The following CORO2B variants were observed in gnomAD, a reference collection of about 807,000 sequenced individuals.
The protein encoded by CORO2B is coronin-2B.
A neutral mutation model predicts 58.8 loss-of-function variants in CORO2B; 26 were observed. The ratio of observed to expected loss-of-function variants is 0.44; its 90% CI spans 0.32 to 0.61. The LOEUF (loss-of-function observed/expected upper bound fraction) is 0.61. Among genes scored for constraint, CORO2B ranks in the 20% least tolerant of loss-of-function variants. The probability of loss-of-function intolerance (pLI) is 0.04; values close to 1 mark genes in which losing one functional copy is unlikely to be tolerated. For synonymous variants in CORO2B, 242 were observed against 253.8 expected, an observed-to-expected ratio of 0.95 and a Z score of 0.44; for missense variants, 460 against 645.1, an observed-to-expected ratio of 0.71 and a Z score of 3.11.
the CORO2B span, among the ~76,000 whole-genome samples, chr15:68,541,113 T>C: frequency 6.6e-6 from 1 of 151,992 alleles, no homozygotes; most frequent in Non-Finnish European, 1.5e-5. Context: ...TGTGTGCCTA[T>C]AGTCACAGCT....
intron 2 of CORO2B, among the ~76,000 whole-genome samples, chr15:68,686,831 G>A (rs529647324): frequency 1.3e-4 from 20 of 151,860 alleles, no homozygotes; most frequent in Admixed American, 1.0e-3. Context: ...CCCAGGCGGC[G>A]GAGGTCACCG....
Position 68,710,895 on chromosome 15 carries a change from A to T in CORO2B, c.483+14A>T, listed in dbSNP as rs756389544. On this transcript the variant is annotated intron_variant, in intron 4 of 11. Transcript: ENST00000261861. The surrounding 1 kb of genome is among the most constrained non-coding windows in gnomAD (Gnocchi z 4.1). ...TACGACTACAAGGTATGCAGTGGGC[A>T]GGCAGCTGGGTGGAGAGGGATTGGG... 2 of 1,585,574 alleles carry T rather than the reference A, an allele frequency of 1.3e-6. No individual in the cohort carries two copies. The highest frequency in any genetic ancestry group is 8.6e-7 in the Non-Finnish European group (1 of 1,162,804).
In CORO2B at chr15:68,725,875, G is replaced by C. The variant is rs778014667; in HGVS notation, c.1344G>C (p.Glu448Asp). The C allele has an allele frequency of 6.2e-7, 1 of 1,614,024 alleles. No individual in the cohort carries two copies. Among genetic ancestry groups the C allele is most frequent in the Non-Finnish European group, 8.5e-7 (1 of 1,180,032 alleles). ...LLRMFFRQQD[E>D]IRRLKEELAQ... ...GAATGTTCTTCCGGCAGCAGGATGAGATTCGACGGTTGAAAGAGGAGCTGG... is the reference window on the plus strand; with the variant it reads ...GAATGTTCTTCCGGCAGCAGGATGACATTCGACGGTTGAAAGAGGAGCTGG... The change falls in exon 12 of 12, where the codon GAG (glutamate) becomes GAC (aspartate). Residue 448 changes from glutamate to aspartate, a missense_variant. This residue lies in a region of CORO2B where 108 missense variants were observed against 102.1 expected (regional missense o/e 1.06). Transcript: ENST00000261861.
At chr15:68,563,494 AAAAAAGAAAAGAAAAG>A in the CORO2B span, among the ~76,000 whole-genome samples, 1 of 151,932 alleles carries the variant, frequency 6.6e-6, no homozygotes, top group Non-Finnish European at 1.5e-5. Context: ...CTTTAAAAAA[AAAAAAGAAAAGAAAAG>A]AAAAAGAAAA....
chr15:68,686,755 T>G (rs1902991699), intron 2 of CORO2B, among the ~76,000 whole-genome samples: 1 of 151,870 alleles, frequency 6.6e-6, no homozygotes, highest in South Asian at 2.1e-4. Flanking sequence ...AAAAATTAGC[T>G]GGGCATAGTG....
intron 3 of CORO2B, 59 bp downstream of exon 3, chr15:68,695,315 G>A (rs779356954): frequency 3.2e-6 from 4 of 1,260,972 alleles, no homozygotes; most frequent in Non-Finnish European, 4.6e-6. Flanking sequence ...GCTTCCTTTG[G>A]AGGCCTCTCT....
At chr15:68,533,865 G>T in the CORO2B span, among the ~76,000 whole-genome samples, 1 of 152,084 alleles carries the variant, frequency 6.6e-6, no homozygotes, top group East Asian at 1.9e-4. Flanking sequence ...CCTTTCTGTG[G>T]TCATTTTCCC....
chr15:68,531,861 A>G, the CORO2B span, among the ~76,000 whole-genome samples: 1 of 151,376 alleles, frequency 6.6e-6, no homozygotes, highest in Non-Finnish European at 1.5e-5. Context: ...GAATTTTAGC[A>G]GCTTTGTTTT....
chr15:68,588,631 C>T (rs4776411), intron 1 of CORO2B, among the ~76,000 whole-genome samples: 2 of 152,046 alleles, frequency 1.3e-5, no homozygotes, highest in Non-Finnish European at 2.9e-5. Flanking sequence ...ATGCCCCCAG[C>T]GCTCAGACCT....
At chr15:68,668,282 G>GT (rs1000245488) in intron 2 of CORO2B, among the ~76,000 whole-genome samples, 6 of 94,002 alleles carry the variant, frequency 6.4e-5, no homozygotes, top group Non-Finnish European at 1.6e-4. Context: ...GGGCTGGGGA[G>GT]GGGGGCGCTA....
At chr15:68,664,443 C>T (rs1054839839) in intron 2 of CORO2B, among the ~76,000 whole-genome samples, 5 of 152,064 alleles carry the variant, frequency 3.3e-5, no homozygotes, top group Admixed American at 1.3e-4. Context: ...GTCAGGAGAT[C>T]GAGCCCATCC....
chr15:68,650,212 T>C lies in CORO2B; in HGVS notation c.216+4852T>C, dbSNP rs547527453. ...GGAGAAACCCCGTCTCTACTAAAAA[T>C]ACAAAATTAGCGGGGCATGATGGCA... On this transcript the variant is annotated intron_variant, in intron 2 of 11. Coordinates refer to ENST00000261861, the MANE Select transcript of CORO2B (RefSeq NM_006091.5). Among the ~76,000 whole-genome samples, 13 of 151,814 alleles carry C rather than the reference T, an allele frequency of 8.6e-5. No individual in the cohort carries two copies. In the East Asian group the frequency reaches 1.2e-3, roughly 14 times the overall value.
intron 3 of CORO2B, among the ~76,000 whole-genome samples, chr15:68,703,611 T>A (rs1892712686): frequency 6.6e-6 from 1 of 152,190 alleles, no homozygotes; most frequent in Non-Finnish European, 1.5e-5. Context: ...CTATACCATA[T>A]ATACAGACAG....
At chr15:68,696,667 G>A (rs758947703) in intron 3 of CORO2B, among the ~76,000 whole-genome samples, 144 of 152,182 alleles carry the variant, frequency 9.5e-4, no homozygotes, top group African/African-American at 3.4e-3. Flanking sequence ...GTCAGAGGGC[G>A]CTGGCAGTGG....
chr15:68,555,020 C>A, the CORO2B span, among the ~76,000 whole-genome samples: 2 of 152,214 alleles, frequency 1.3e-5, no homozygotes, highest in African/African-American at 2.4e-5. Flanking sequence ...TACCACATGG[C>A]TGGGGCTGGG....
At chr15:68,701,000 G>C (rs1462050407) in intron 3 of CORO2B, among the ~76,000 whole-genome samples, 1 of 152,164 alleles carries the variant, frequency 6.6e-6, no homozygotes, top group Non-Finnish European at 1.5e-5. Flanking sequence ...GGAGCTGGGG[G>C]CGGGATGGAC....
At chr15:68,574,922 T>A (rs908580879), upstream of CORO2B, among the ~76,000 whole-genome samples, 2 of 152,142 alleles carry the variant, frequency 1.3e-5, no homozygotes, top group Admixed American at 6.5e-5. Context: ...CCTAAAGCAT[T>A]GAGGCATGAA....
At position 68,718,664 on chromosome 15, in the gene CORO2B, GGACCCCAT is replaced by G. The variant is rs774748454; in HGVS notation, c.968-32_968-25del. Reference sequence around the variant, plus strand: ...TGATGTCACTGAGACGCAGTTTCTGGGACCCCATGGAGCCACATGTGTGCCTGTTACAG... The same window carrying G: ...TGATGTCACTGAGACGCAGTTTCTGGGGAGCCACATGTGTGCCTGTTACAG... On this transcript the variant is annotated intron_variant, in intron 8 of 11. Coordinates refer to ENST00000261861, the MANE Select transcript of CORO2B (RefSeq NM_006091.5). 7.1e-6 allele frequency: 11 copies of G among 1,554,514 alleles called. No individual in the cohort carries two copies. The African/African-American group carries it at 1.5e-4, about 21-fold the overall frequency.
intron 1 of CORO2B, among the ~76,000 whole-genome samples, chr15:68,603,225 AG>A (rs1487327456): frequency 1.3e-5 from 2 of 152,214 alleles, no homozygotes; most frequent in East Asian, 3.8e-4. Flanking sequence ...TGGTCGCAGT[AG>A]GTGCTTACTA....
Sources: allele counts gnomAD v4.1 joint callset (sites outside exome capture counted in the v4.1 genomes callset), GRCh38; gene constraint gnomAD v4.1.1; regional missense constraint gnomAD v4.1.1; non-coding constraint Gnocchi (gnomAD v3.1); transcripts MANE v1.5; gene names NCBI Gene and HGNC (gene_info 2026-07-23, HGNC 2026-07-21).